Variants in IL3RA observed in about 807,000 individuals in gnomAD.
IL3RA encodes interleukin 3 receptor subunit alpha.
A neutral mutation model predicts 52.3 loss-of-function variants in IL3RA; 73 were observed. That is an observed-to-expected ratio of 1.40 (90% CI 1.16 to 1.70). IL3RA has a LOEUF of 1.70. Among genes scored for constraint, IL3RA ranks in the 40% most tolerant of loss-of-function variants. The pLI is 0.00. For synonymous variants in IL3RA, 260 were observed against 194.0 expected, an observed-to-expected ratio of 1.34 and a Z score of -2.83; for missense variants, 664 against 504.4, an observed-to-expected ratio of 1.32 and a Z score of -3.03.
chrX:1,378,521 C>G, intron 9 of IL3RA, 138 bp from the exon 10 acceptor site: 1 of 709,838 alleles, frequency 1.4e-6, no homozygotes, highest in Non-Finnish European at 2.5e-6. Flanking sequence ...GCAGGTGGCA[C>G]TACTGGGGTG....
intron 8 of IL3RA, among the ~76,000 whole-genome samples, chrX:1,362,690 G>A (rs17883151): frequency 0.39 from 59,400 of 151,784 alleles, 11,868 homozygotes; most frequent in South Asian, 0.54. Context: ...GGACTCTGGG[G>A]TCCCTGGGCT....
intron 3 of IL3RA, among the ~76,000 whole-genome samples, chrX:1,346,209 C>G (rs1410770065): frequency 2.0e-5 from 3 of 151,800 alleles, no homozygotes; most frequent in Non-Finnish European, 4.4e-5. Flanking sequence ...GAGGCTGAGG[C>G]GGATGGATCA....
intron 7 of IL3RA, among the ~76,000 whole-genome samples, chrX:1,358,036 C>T (rs1468689450): frequency 5.3e-5 from 8 of 150,778 alleles, no homozygotes; most frequent in Non-Finnish European, 7.4e-5. Flanking sequence ...ACCCAGAAGG[C>T]GGAGCTTGCA....
At chrX:1,364,878 G>A (rs1272155516) in intron 8 of IL3RA, among the ~76,000 whole-genome samples, 1 of 151,634 alleles carries the variant, frequency 6.6e-6, no homozygotes, top group Non-Finnish European at 1.5e-5. Flanking sequence ...GTGCCATCTC[G>A]CCTCACTGCA....
rs768550866 is a variant in IL3RA at position 1,365,198 on chromosome X, G to A, written c.820G>A (p.Ala274Thr). The A allele has an allele frequency of 1.9e-5, 30 of 1,611,570 alleles. 1 individual carries two copies. The highest frequency in any genetic ancestry group is 1.5e-4 in the South Asian group (14 of 91,064). The change falls in exon 9 of 12, where the codon GCC (alanine) becomes ACC (threonine). Residue 274 changes from alanine (A) to threonine (T), a missense_variant. Physicochemically the swap from Ala to Thr is moderately conservative, Grantham distance 58 (BLOSUM62 0). Transcript: ENST00000331035. ...NPGTYTVQIR[A>T]RERVYEFLSA... is the part of the protein sequence containing the mutation. ...TGGAACGTACACAGTACAAATAAGAGCCCGGGAAAGAGTGTATGAATTCTT... is the reference window on the plus strand; with the variant it reads ...TGGAACGTACACAGTACAAATAAGAACCCGGGAAAGAGTGTATGAATTCTT...
chrX:1,378,532 T>C, intron 9 of IL3RA, 127 bp from the exon 10 acceptor site: 1 of 756,710 alleles, frequency 1.3e-6, no homozygotes, highest in Non-Finnish European at 2.2e-6. Flanking sequence ...TACTGGGGTG[T>C]CCCCCCCTGG....
At chrX:1,347,767 G>A (rs17880178) in intron 3 of IL3RA, among the ~76,000 whole-genome samples, 3,663 of 152,010 alleles carry the variant, frequency 0.024, 171 homozygotes, top group African/African-American at 0.081. Flanking sequence ...GGCCGGGCGC[G>A]GTGGCTCACG....
At chrX:1,378,840 A>T in intron 10 of IL3RA, 76 bp downstream of exon 10, 1 of 1,293,132 alleles carries the variant, frequency 7.7e-7, no homozygotes, top group Non-Finnish European at 1.1e-6. Context: ...AACCATCCTG[A>T]GAATTATCAT....
At position 1,344,728 on chromosome X, in the gene IL3RA, G is replaced by C. The variant is rs758277072; in HGVS notation, c.65-588G>C. On this transcript the variant is annotated intron_variant, in intron 2 of 11. Coordinates refer to ENST00000331035, the MANE Select transcript of IL3RA (RefSeq NM_002183.4). ...GTAGAGGTTGCGGTGAGCTGAGATC[G>C]TGCCACTGCACTCCAGCCTGGGTGA... 4.6e-5 allele frequency among the ~76,000 whole-genome samples: 7 copies of C among 151,518 alleles called. No individual in the cohort carries two copies. In the South Asian group the frequency reaches 6.3e-4, roughly 14 times the overall value.
intron 2 of IL3RA, among the ~76,000 whole-genome samples, chrX:1,343,529 C>A (rs1199785784): frequency 2.0e-5 from 3 of 150,712 alleles, no homozygotes; most frequent in Non-Finnish European, 3.0e-5. Context: ...TAGCTGGGCG[C>A]GGTGCTGTGC....
At chrX:1,363,439 C>G (rs1176951863) in intron 8 of IL3RA, among the ~76,000 whole-genome samples, 1 of 150,964 alleles carries the variant, frequency 6.6e-6, no homozygotes, top group Admixed American at 6.6e-5. Flanking sequence ...TAGCTGGGAC[C>G]TCAGGCGCCC....
At position 1,347,976 on chromosome X, in the gene IL3RA, A is replaced by G. The variant is rs193024239; in HGVS notation, c.184-455A>G. ...GGCATGAACCCGGGAGGGAGAGGCT[A>G]CAGTGAGCCGAGATCGCGCCCCTGC... On this transcript the variant is annotated intron_variant, in intron 3 of 11. Coordinates refer to ENST00000331035, the MANE Select transcript of IL3RA (RefSeq NM_002183.4). Among the ~76,000 whole-genome samples the G allele has an allele frequency of 5.5e-3, 703 of 128,472 alleles. 3 individuals carry two copies. Among genetic ancestry groups the G allele is most frequent in the Middle Eastern group, 0.033 (6 of 184 alleles). 84.3% of individuals were successfully genotyped at this position (128,472 alleles called of 152,430 possible).
intron 10 of IL3RA, 113 bp from the exon 11 acceptor site, chrX:1,380,907 AGAT>A (rs2089147712): frequency 1.2e-6 from 1 of 843,702 alleles, no homozygotes; most frequent in Non-Finnish European, 2.0e-6. Context: ...CCCCTCGAGT[AGAT>A]GACTTGAGTC....
chrX:1,378,193 A>AG (rs1443177410), intron 9 of IL3RA, among the ~76,000 whole-genome samples: 9 of 149,904 alleles, frequency 6.0e-5, no homozygotes, highest in African/African-American at 2.2e-4. Context: ...AAAAAAAAAA[A>AG]AAAAAGAAAA....
rs756535579 is a variant in IL3RA at position 1,352,131 on chromosome X, G to A, written c.330G>A (p.Leu110=). The A allele has an allele frequency of 6.2e-7, 1 of 1,613,834 alleles. No individual in the cohort carries two copies. The highest frequency in any genetic ancestry group is 2.2e-5 in the East Asian group (1 of 44,882). ...AGCCTTGGGCAGGTGCGGAGAATCT[G>A]ACCTGCTGGATTCATGACGTGGATT... is the stretch of plus-strand genomic sequence containing the variant. The part of the protein sequence containing the change: ...SGKPWAGAEN[L]TCWIHDVDFL... The change falls in exon 5 of 12, where the codon CTG becomes CTA. Residue 110 remains leucine (L), a synonymous_variant. Coordinates refer to ENST00000331035, the MANE Select transcript of IL3RA (RefSeq NM_002183.4).
chrX:1,378,565 CCTCT>C (rs1328753093), intron 9 of IL3RA, 90 bp from the exon 10 acceptor site: 28 of 1,095,730 alleles, frequency 2.6e-5, no homozygotes, highest in Admixed American at 1.6e-4. Flanking sequence ...ATGGCAGCCA[CCTCT>C]CTGCTTCCCA....
At chrX:1,362,754 G>A (rs1273247660) in intron 8 of IL3RA, among the ~76,000 whole-genome samples, 4 of 149,426 alleles carry the variant, frequency 2.7e-5, no homozygotes, top group African/African-American at 1.0e-4. Flanking sequence ...CTTCTCCTCT[G>A]CATCCGTGTC....
chrX:1,363,688 A>G (rs1378158329), intron 8 of IL3RA, among the ~76,000 whole-genome samples: 4 of 151,828 alleles, frequency 2.6e-5, no homozygotes, highest in Non-Finnish European at 4.4e-5. Flanking sequence ...TTTTGTACCC[A>G]TCAAATATGA....
intron 4 of IL3RA, among the ~76,000 whole-genome samples, chrX:1,349,054 C>G (rs1312871161): frequency 6.6e-6 from 1 of 151,274 alleles, no homozygotes; most frequent in African/African-American, 2.4e-5. Context: ...GTTGCCCAGG[C>G]TGGAGCGCAG....
Sources: gnomAD v4.1 joint callset for allele counts (sites outside exome capture counted in the v4.1 genomes callset) on GRCh38, gnomAD v4.1.1 for gene constraint, MANE v1.5 for transcripts, NCBI Gene and HGNC (gene_info 2026-07-23, HGNC 2026-07-21) for gene names.